APBA2: variants seen among roughly 807,000 people sequenced by gnomAD.
APBA2 encodes amyloid-beta A4 precursor protein-binding family A member 2.
Under a neutral mutation model 75.0 loss-of-function variants are expected in APBA2, and 30 were observed. The ratio of observed to expected loss-of-function variants is 0.40; its 90% CI spans 0.30 to 0.54. The LOEUF (loss-of-function observed/expected upper bound fraction) is 0.54. APBA2 is among the 20% of genes least tolerant of loss of function. The probability of loss-of-function intolerance (pLI) is 0.49; values close to 1 mark genes in which losing one functional copy is unlikely to be tolerated. For missense variants in APBA2, 801 were observed against 1,016.1 expected, an observed-to-expected ratio of 0.79 and a Z score of 2.88; for synonymous variants, 444 against 409.6, an observed-to-expected ratio of 1.08 and a Z score of -1.01.
chr15:28,984,197 G>A (rs1045321491), intron 2 of APBA2, among the ~76,000 whole-genome samples: 6 of 152,122 alleles, frequency 3.9e-5, no homozygotes, highest in East Asian at 1.9e-4. Context: ...CTCTCGAGGC[G>A]TTATTATTCG....
At position 29,097,244 on chromosome 15, in the gene APBA2, A is replaced by C. The variant is rs535046166; in HGVS notation, c.1252-1246A>C. ...GATACTTAGAATCCCAAATCCAGGAAACGTAACCTGAGTCTATAAATTCCA... is the reference window on the plus strand; with the variant it reads ...GATACTTAGAATCCCAAATCCAGGACACGTAACCTGAGTCTATAAATTCCA... On this transcript the variant is annotated intron_variant, in intron 8 of 14. Coordinates refer to ENST00000683413, the MANE Select transcript of APBA2 (RefSeq NM_001353788.2). Among the ~76,000 whole-genome samples, 5 of 152,368 alleles carry C rather than the reference A, an allele frequency of 3.3e-5. No homozygotes were observed. The East Asian group carries it at 9.6e-4, about 29-fold the overall frequency.
At chr15:29,020,188 C>T (rs944669956) in intron 3 of APBA2, among the ~76,000 whole-genome samples, 10 of 151,104 alleles carry the variant, frequency 6.6e-5, no homozygotes, top group Non-Finnish European at 1.3e-4. Context: ...TGTGGGTATA[C>T]AAGCAAAAAA....
At chr15:29,111,654 C>T (rs1037752909) in intron 13 of APBA2, among the ~76,000 whole-genome samples, 8 of 152,084 alleles carry the variant, frequency 5.3e-5, no homozygotes, top group African/African-American at 7.2e-5. Flanking sequence ...CATGAGTGCC[C>T]GTGGTCATGG....
chr15:28,993,570 G>C (rs888942106), intron 2 of APBA2, among the ~76,000 whole-genome samples: 1 of 152,098 alleles, frequency 6.6e-6, no homozygotes, highest in African/African-American at 2.4e-5. Flanking sequence ...CTCAAAACCC[G>C]TTCTAAATGG....
In APBA2 at chr15:28,997,688, T is replaced by A. The variant is rs142192489; in HGVS notation, c.-41+1882T>A. On this transcript the variant is annotated intron_variant, in intron 3 of 14. Coordinates refer to ENST00000683413, the MANE Select transcript of APBA2 (RefSeq NM_001353788.2). ...TTTCCTTATGGAACCTGGGGTGTCA[T>A]TACATTCTGTTAGAGTCATAGGGTG... is the stretch of plus-strand genomic sequence containing the variant. 1.4e-4 allele frequency among the ~76,000 whole-genome samples: 22 copies of A among 152,368 alleles called. No homozygotes were observed. In the East Asian group the frequency reaches 4.2e-3, roughly 29 times the overall value.
intron 2 of APBA2, chr15:28,970,303 A>G (rs2036994919): frequency 6.6e-6 from 1 of 151,396 alleles, no homozygotes; most frequent in African/African-American, 2.4e-5. Context: ...TATATTATAC[A>G]TTATATAGCA....
intron 2 of APBA2, among the ~76,000 whole-genome samples, chr15:28,989,768 T>C (rs12441418): frequency 0.088 from 13,391 of 152,194 alleles, 781 homozygotes; most frequent in East Asian, 0.27. Context: ...TCTGCTTGTC[T>C]CCGCACTCCC....
intron 2 of APBA2, among the ~76,000 whole-genome samples, chr15:28,959,578 C>CA (rs75269283): frequency 0.27 from 41,627 of 152,110 alleles, 10,732 homozygotes; most frequent in African/African-American, 0.66. Flanking sequence ...ACCATAATCT[C>CA]GACTTCCAGT....
In APBA2 at chr15:28,988,794, C is replaced by A. The variant is rs185308042; in HGVS notation, c.-94-6959C>A. ...CTCTGTGAACGTGAGCTGGATTTGT[C>A]AGTATATTTAGCAAGGATTGGAATT... On this transcript the variant is annotated intron_variant, in intron 2 of 14. Coordinates refer to ENST00000683413, the MANE Select transcript of APBA2 (RefSeq NM_001353788.2). Among the ~76,000 whole-genome samples the A allele has an allele frequency of 1.9e-4, 29 of 152,270 alleles. 2 individuals are homozygous for A. The highest frequency in any genetic ancestry group is 1.9e-3 in the Admixed American group (29 of 15,298).
chr15:29,012,888 T>C (rs1262874665), intron 3 of APBA2, among the ~76,000 whole-genome samples: 1 of 152,210 alleles, frequency 6.6e-6, no homozygotes, highest in Non-Finnish European at 1.5e-5. Flanking sequence ...TTTAACCTTT[T>C]GGCTTCCATC....
At chr15:28,997,320 G>A (rs1344537703) in intron 3 of APBA2, among the ~76,000 whole-genome samples, 2 of 152,212 alleles carry the variant, frequency 1.3e-5, no homozygotes, top group Non-Finnish European at 2.9e-5. Flanking sequence ...ACATAAGCTG[G>A]AGTGTTTACT....
Position 29,054,045 on chromosome 15 carries a change from A to G in APBA2, c.161A>G (p.Glu54Gly), listed in dbSNP as rs1358255314. The change falls in exon 4 of 15, where the codon GAG (glutamate) becomes GGG (glycine). Residue 54 changes from glutamate to glycine, a missense_variant. Around this residue, in one of 2 missense-constraint regions of APBA2, gnomAD observed 434 missense variants for 471.6 expected, o/e 0.92. Transcript: ENST00000683413. This position sits in a 1 kb window ranked among gnomAD's most constrained non-coding sequence, Gnocchi z 6.1. Reference sequence around the variant, plus strand: ...CTGGAGCTGGCTGCCCTGCGGCCAGAGAGCCCCGCGCCAGAGGAACAGGAG... The same window carrying G: ...CTGGAGCTGGCTGCCCTGCGGCCAGGGAGCCCCGCGCCAGAGGAACAGGAG... ...EGLELAALRP[E>G]SPAPEEQECH... 3 of 1,613,830 alleles carry G rather than the reference A, an allele frequency of 1.9e-6. No individual in the cohort carries two copies. Among genetic ancestry groups the G allele is most frequent in the Non-Finnish European group, 2.5e-6 (3 of 1,180,018 alleles).
Position 29,074,927 on chromosome 15 carries a change from A to C in APBA2, c.958A>C (p.Asn320His). ...TTAACTTCCCCGTTTCCAGGTTTGC[A>C]ATGGTCTGGAGCAGCCAAGGAAGCA... ...RLKWPHEQVC[N>H]GLEQPRKQQR... is the part of the protein sequence containing the mutation. The change falls in exon 5 of 15, where the codon AAT becomes CAT. Residue 320 changes from asparagine (N) to histidine (H), a missense_variant. This residue lies in a region of APBA2 where 434 missense variants were observed against 471.6 expected (regional missense o/e 0.92). Coordinates refer to ENST00000683413, the MANE Select transcript of APBA2 (RefSeq NM_001353788.2). 1 of 1,614,148 alleles carries C rather than the reference A, an allele frequency of 6.2e-7. No homozygotes were observed. The highest frequency in any genetic ancestry group is 1.1e-5 in the South Asian group (1 of 91,070).
At chr15:29,110,823 C>G (rs947425216) in intron 13 of APBA2, among the ~76,000 whole-genome samples, 1 of 152,132 alleles carries the variant, frequency 6.6e-6, no homozygotes, top group South Asian at 2.1e-4. Flanking sequence ...GTGCAGGGTT[C>G]TGTGCCTTTC....
chr15:28,986,305 G>A (rs967582489), intron 2 of APBA2, among the ~76,000 whole-genome samples: 11 of 152,126 alleles, frequency 7.2e-5, no homozygotes, highest in African/African-American at 2.7e-4. Context: ...CTCACTAGTT[G>A]GTTAATGTGA....
chr15:29,112,722 G>C (rs1186585600), intron 13 of APBA2, among the ~76,000 whole-genome samples: 6 of 152,146 alleles, frequency 3.9e-5, no homozygotes, highest in African/African-American at 1.2e-4. Flanking sequence ...TTAAAATCGA[G>C]CATCATAGCC....
chr15:29,071,794 A>C (rs959153771), intron 4 of APBA2, among the ~76,000 whole-genome samples: 6 of 151,698 alleles, frequency 4.0e-5, no homozygotes, highest in African/African-American at 1.5e-4. Context: ...TGTGGTTGTC[A>C]TGGTGACAAG....
At chr15:28,890,408 A>G (rs2032055844) in intron 1 of APBA2, among the ~76,000 whole-genome samples, 1 of 152,138 alleles carries the variant, frequency 6.6e-6, no homozygotes, top group African/African-American at 2.4e-5. Flanking sequence ...GCACTTTGGA[A>G]GGAGGCACCC....
rs1461708812 is a variant in APBA2 at position 29,054,076 on chromosome 15, C to T, written c.192C>T (p.His64=). ...ESPAPEEQEC[H]NHSPDGDSSS... ...CCGCGCCAGAGGAACAGGAGTGCCACAACCACAGCCCCGATGGGGACTCCA... is the reference window on the plus strand; with the variant it reads ...CCGCGCCAGAGGAACAGGAGTGCCATAACCACAGCCCCGATGGGGACTCCA... Residue 64 remains histidine (H), a synonymous_variant, in exon 4 of 15, where the codon CAC becomes CAT. Transcript: ENST00000683413. The surrounding 1 kb of genome is among the most constrained non-coding windows in gnomAD (Gnocchi z 6.1). 6.2e-7 allele frequency: 1 copy of T among 1,614,050 alleles called. No individual in the cohort carries two copies. Among genetic ancestry groups the T allele is most frequent in the Non-Finnish European group, 8.5e-7 (1 of 1,180,024 alleles).
Sources: gnomAD v4.1 joint callset for allele counts (sites outside exome capture counted in the v4.1 genomes callset) on GRCh38, gnomAD v4.1.1 for gene constraint, gnomAD v4.1.1 regional missense constraint, Gnocchi (gnomAD v3.1) non-coding constraint, MANE v1.5 for transcripts, NCBI Gene and HGNC (gene_info 2026-07-23, HGNC 2026-07-21) for gene names.